KIAA0319: variants seen among roughly 807,000 people sequenced by gnomAD.
The protein encoded by KIAA0319 is KIAA0319.
Under a neutral mutation model 108.4 loss-of-function variants are expected in KIAA0319, and 83 were observed. The observed-to-expected ratio is 0.77, with a 90% CI of 0.64 to 0.92. The LOEUF is 0.92. Among genes scored for constraint, KIAA0319 ranks in the 40% least tolerant of loss-of-function variants. KIAA0319 has a pLI of 0.00. For missense variants in KIAA0319, 1,195 were observed against 1,322.4 expected (o/e 0.90, Z 1.49); for synonymous variants, 484 against 510.4 (o/e 0.95, Z 0.70).
chr6:24,635,248 G>A (rs1776049788), intron 1 of KIAA0319, among the ~76,000 whole-genome samples: 1 of 151,938 alleles, frequency 6.6e-6, no homozygotes, highest in Non-Finnish European at 1.5e-5. Flanking sequence ...GGGATTAGAG[G>A]TGCACGCCAC....
chr6:24,606,214 G>A (rs1771382166), intron 1 of KIAA0319, among the ~76,000 whole-genome samples: 1 of 152,164 alleles, frequency 6.6e-6, no homozygotes, highest in African/African-American at 2.4e-5. Context: ...TGGGATTATA[G>A]GCGTGAGTTA....
intron 20 of KIAA0319, 88 bp downstream of exon 20, chr6:24,551,346 C>G (rs1221400389): frequency 1.2e-6 from 1 of 864,968 alleles, no homozygotes; most frequent in South Asian, 1.4e-5. Context: ...TCCAGCAAAT[C>G]GTTCTCCCTC....
At chr6:24,598,773 G>A (rs368438333) in intron 2 of KIAA0319, 1 of 251,962 alleles carries the variant, frequency 4.0e-6, no homozygotes, top group Non-Finnish European at 7.9e-6. Flanking sequence ...CTACTCGGGA[G>A]GCTGAGGCAG....
chr6:24,570,308 G>T (rs556479451), intron 11 of KIAA0319, among the ~76,000 whole-genome samples: 1 of 152,138 alleles, frequency 6.6e-6, no homozygotes, highest in Non-Finnish European at 1.5e-5. Context: ...ATCCTCAGTC[G>T]GCCGGGCACA....
chr6:24,612,047 CA>C (rs35491702), intron 1 of KIAA0319, among the ~76,000 whole-genome samples: 94,476 of 132,828 alleles, frequency 0.71, 32,802 homozygotes, highest in African/African-American at 0.87. Context: ...GACTTTGTTT[CA>C]AAAAAAAAAA....
chr6:24,644,189 A>G (rs904411640), intron 1 of KIAA0319, among the ~76,000 whole-genome samples: 4 of 152,154 alleles, frequency 2.6e-5, no homozygotes, highest in African/African-American at 9.7e-5. Flanking sequence ...CGTCTGAGTG[A>G]GTGGGTGTGT....
At chr6:24,595,402 C>G (rs2127520233) in intron 3 of KIAA0319, among the ~76,000 whole-genome samples, 1 of 152,078 alleles carries the variant, frequency 6.6e-6, no homozygotes, top group Middle Eastern at 3.4e-3. Flanking sequence ...AAAAAATTAG[C>G]TGGGCATGGT....
intron 1 of KIAA0319, among the ~76,000 whole-genome samples, chr6:24,619,053 C>T (rs1773549076): frequency 6.6e-6 from 1 of 151,950 alleles, no homozygotes; most frequent in African/African-American, 2.4e-5. Flanking sequence ...AGGCTTGAGG[C>T]GGGGAATGTG....
intron 14 of KIAA0319, among the ~76,000 whole-genome samples, chr6:24,564,845 G>T (rs1241732780): frequency 2.0e-5 from 3 of 152,190 alleles, no homozygotes; most frequent in African/African-American, 7.2e-5. Context: ...CCTGCTAATA[G>T]AAGGGGTGAT....
chr6:24,589,531 T>C (rs532266241), intron 3 of KIAA0319, among the ~76,000 whole-genome samples: 1 of 147,858 alleles, frequency 6.8e-6, no homozygotes, highest in South Asian at 2.1e-4. Context: ...CCCCATGCTG[T>C]TCTCGTGATA....
At chr6:24,634,190 G>A (rs560419027) in intron 1 of KIAA0319, among the ~76,000 whole-genome samples, 1 of 152,212 alleles carries the variant, frequency 6.6e-6, no homozygotes, top group Non-Finnish European at 1.5e-5. Flanking sequence ...GATGAATAAA[G>A]CAGGTTTGAC....
intron 2 of KIAA0319, chr6:24,598,798 C>T (rs1770143601): frequency 3.9e-6 from 1 of 258,504 alleles, no homozygotes; most frequent in Non-Finnish European, 7.7e-6. Flanking sequence ...ATTCCTTGAA[C>T]CCAGGAGGCA....
intron 1 of KIAA0319, among the ~76,000 whole-genome samples, chr6:24,627,252 C>T (rs1231809346): frequency 6.6e-6 from 1 of 152,084 alleles, no homozygotes; most frequent in Non-Finnish European, 1.5e-5. Context: ...GCAGGCTCTC[C>T]CAAGACATCC....
chr6:24,580,418 C>T (rs1766318088), intron 7 of KIAA0319, among the ~76,000 whole-genome samples: 1 of 149,108 alleles, frequency 6.7e-6, no homozygotes, highest in Non-Finnish European at 1.5e-5. Flanking sequence ...TCGGTTGTGC[C>T]CTCAGCACAG....
Position 24,583,643 on chromosome 6 carries a change from C to T in KIAA0319, c.1054G>A (p.Val352Ile). ...NLIITLPDNE[V>I]ELKAFVAPAP... is the part of the protein sequence containing the mutation. The stretch of plus-strand genomic sequence containing the variant: ...GGCGCAACAAAGGCCTTCAGTTCAA[C>T]TTCATTGTCGGGTAAAGTTATAATT... Residue 352 changes from valine (V) to isoleucine (I), a missense_variant, in exon 5 of 21, where the codon GTT becomes ATT. Physicochemically the swap from Val to Ile is conservative, Grantham distance 29 (BLOSUM62 3). Coordinates refer to ENST00000378214, the MANE Select transcript of KIAA0319 (RefSeq NM_014809.4). The T allele has an allele frequency of 6.2e-7, 1 of 1,613,976 alleles. No individual in the cohort carries two copies. The highest frequency in any genetic ancestry group is 8.5e-7 in the Non-Finnish European group (1 of 1,179,916).
At chr6:24,612,892 C>A (rs34018151) in intron 1 of KIAA0319, among the ~76,000 whole-genome samples, 1 of 151,904 alleles carries the variant, frequency 6.6e-6, no homozygotes, top group African/African-American at 2.4e-5. Context: ...TCCGCCTCCC[C>A]GGTTCACGCC....
chr6:24,549,395 G>C (rs1009369796), intron 20 of KIAA0319, among the ~76,000 whole-genome samples: 3 of 151,678 alleles, frequency 2.0e-5, no homozygotes, highest in African/African-American at 4.8e-5. Context: ...GATGCAGTGA[G>C]GAGGCACCAA....
intron 1 of KIAA0319, among the ~76,000 whole-genome samples, chr6:24,628,556 T>C (rs998500089): frequency 1.3e-5 from 2 of 152,084 alleles, no homozygotes; most frequent in African/African-American, 4.8e-5. Flanking sequence ...AACCCTTGCA[T>C]TTACCATCTG....
At chr6:24,598,317 CA>C in intron 2 of KIAA0319, 1 of 675,362 alleles carries the variant, frequency 1.5e-6, no homozygotes, top group Non-Finnish European at 2.7e-6. Context: ...AGGAGCAGAT[CA>C]AGACCATCAA....
Sources: allele counts gnomAD v4.1 joint callset (sites outside exome capture counted in the v4.1 genomes callset), GRCh38; gene constraint gnomAD v4.1.1; transcripts MANE v1.5; gene names NCBI Gene and HGNC (gene_info 2026-07-23, HGNC 2026-07-21).